YEATS2: variants seen among roughly 807,000 people sequenced by gnomAD.
The protein encoded by YEATS2 is YEATS domain-containing protein 2.
A neutral mutation model predicts 163.2 loss-of-function variants in YEATS2; 77 were observed. The ratio of observed to expected loss-of-function variants is 0.47; its 90% CI spans 0.39 to 0.57. The LOEUF (loss-of-function observed/expected upper bound fraction) is 0.57, where lower values mean the gene tolerates loss of function less well. Ranked by LOEUF, YEATS2 falls within the 20% of genes least tolerant of loss-of-function variation. The pLI is 0.00. For synonymous variants in YEATS2, 631 were observed against 645.1 expected (o/e 0.98, Z 0.33); for missense variants, 1,549 against 1,729.8 (o/e 0.90, Z 1.85).
chr3:183,799,872 A>G (rs1262878004), intron 23 of YEATS2, among the ~76,000 whole-genome samples: 1 of 133,964 alleles, frequency 7.5e-6, no homozygotes, highest in East Asian at 2.1e-4. Context: ...TCACTCTGTC[A>G]CCCAGGCTGG....
At chr3:183,708,800 G>T (rs1714884789) in intron 1 of YEATS2, among the ~76,000 whole-genome samples, 1 of 152,104 alleles carries the variant, frequency 6.6e-6, no homozygotes, top group African/African-American at 2.4e-5. Flanking sequence ...GGATTCCAAG[G>T]TTGCAGTGAG....
intron 13 of YEATS2, among the ~76,000 whole-genome samples, chr3:183,759,832 G>C (rs1378160647): frequency 6.6e-6 from 1 of 152,214 alleles, no homozygotes; most frequent in Non-Finnish European, 1.5e-5. Context: ...TTCCCCTTAT[G>C]ATGGGTTTAT....
intron 8 of YEATS2, 146 bp downstream of exon 8, chr3:183,736,975 A>G: frequency 1.7e-6 from 1 of 602,484 alleles, no homozygotes; most frequent in Non-Finnish European, 2.9e-6. Context: ...AACTATTAAT[A>G]GCCTACTGTT....
chr3:183,772,866 A>ACAGATGCTAATCCACAGTCCC (rs1159827943), intron 16 of YEATS2, among the ~76,000 whole-genome samples: 2 of 152,162 alleles, frequency 1.3e-5, no homozygotes, highest in Non-Finnish European at 2.9e-5. Context: ...AGCAAAATCC[A>ACAGATGCTAATCCACAGTCCC]CAGATGCTAA....
At chr3:183,780,606 G>A (rs1025220627) in intron 19 of YEATS2, among the ~76,000 whole-genome samples, 15 of 152,122 alleles carry the variant, frequency 9.9e-5, no homozygotes, top group South Asian at 2.1e-4. Context: ...TGTCCACAAT[G>A]AAGATAAAAT....
chr3:183,772,661 G>A lies in YEATS2; in HGVS notation c.2206+98G>A, dbSNP rs1416383657. The A allele has an allele frequency of 4.2e-5, 62 of 1,468,686 alleles. No individual in the cohort carries two copies. In the Admixed American group the frequency reaches 1.2e-3, roughly 29 times the overall value. The allele number at this position is 1,468,686 out of a possible 1,614,324, so 91.0% of individuals were successfully genotyped here. ...TTGCTATTTGATCTGGTCTAGGAAA[G>A]CCTAGTTAGGTTGATGCTGTAAGAA... On this transcript the variant is annotated intron_variant, in intron 16 of 30. Coordinates refer to ENST00000305135, the MANE Select transcript of YEATS2 (RefSeq NM_018023.5).
At chr3:183,715,101 T>C in intron 1 of YEATS2, 43 bp from the exon 2 acceptor site, 1 of 1,283,060 alleles carries the variant, frequency 7.8e-7, no homozygotes, top group Non-Finnish European at 1.1e-6. Flanking sequence ...CCCAACTATT[T>C]AACTGAATAA....
intron 21 of YEATS2, chr3:183,793,048 A>G: frequency 3.0e-6 from 3 of 1,012,032 alleles, no homozygotes; most frequent in South Asian, 1.3e-5. Flanking sequence ...CTTCTGTAAA[A>G]TATAATAAAA....
chr3:183,701,454 G>A lies in YEATS2; in HGVS notation c.-20+3461G>A, dbSNP rs149618376. ...CAGGCTGGAGTGCAGTGATGCAGCC[G>A]TAGGTCATTGCAGCCTTGAACTCCT... On this transcript the variant is annotated intron_variant, in intron 1 of 30. Coordinates refer to ENST00000305135, the MANE Select transcript of YEATS2 (RefSeq NM_018023.5). Among the ~76,000 whole-genome samples, 190 of 152,056 alleles carry A rather than the reference G, an allele frequency of 1.2e-3. 1 individual carries two copies. In the Middle Eastern group the frequency reaches 0.017, roughly 14 times the overall value.
intron 28 of YEATS2, chr3:183,807,701 G>A (rs1161328822): frequency 1.6e-5 from 4 of 252,808 alleles, no homozygotes; most frequent in African/African-American, 4.5e-5. Flanking sequence ...CAAACAGGAC[G>A]TTGGAGTCTG....
intron 1 of YEATS2, among the ~76,000 whole-genome samples, chr3:183,711,015 G>A (rs973141396): frequency 3.3e-5 from 5 of 152,006 alleles, no homozygotes; most frequent in African/African-American, 1.2e-4. Flanking sequence ...GTAATTAGGT[G>A]TTTTTAGATT....
At chr3:183,737,172 C>G (rs1416451738) in intron 8 of YEATS2, among the ~76,000 whole-genome samples, 2 of 152,052 alleles carry the variant, frequency 1.3e-5, no homozygotes, top group Non-Finnish European at 2.9e-5. Flanking sequence ...AGATCTTTAT[C>G]CTCGCCATCT....
At chr3:183,778,008 A>T (rs1394409854) in intron 19 of YEATS2, among the ~76,000 whole-genome samples, 1 of 150,206 alleles carries the variant, frequency 6.7e-6, no homozygotes. Context: ...GCTACTCGGG[A>T]GGCTAAGGCA....
At chr3:183,745,813 C>G (rs966228551) in intron 8 of YEATS2, among the ~76,000 whole-genome samples, 1 of 152,004 alleles carries the variant, frequency 6.6e-6, no homozygotes, top group Non-Finnish European at 1.5e-5. Flanking sequence ...GTCCTTTTGT[C>G]GTAGTGTTTC....
intron 9 of YEATS2, 76 bp from the exon 10 acceptor site, chr3:183,751,997 C>T (rs1720214754): frequency 6.6e-7 from 1 of 1,514,182 alleles, no homozygotes; most frequent in Non-Finnish European, 9.1e-7. Context: ...CCGGAGATTA[C>T]ATTCTTGGAC....
Position 183,804,011 on chromosome 3 carries a change from A to G in YEATS2, c.3607A>G (p.Lys1203Glu). 1 of 1,614,136 alleles carries G rather than the reference A, an allele frequency of 6.2e-7. No homozygotes were observed. Among genetic ancestry groups the G allele is most frequent in the African/African-American group, 1.3e-5 (1 of 75,032 alleles). Residue 1203 changes from lysine to glutamate, a missense_variant, in exon 27 of 31, where the codon AAA (lysine) becomes GAA (glutamate). Coordinates refer to ENST00000305135, the MANE Select transcript of YEATS2 (RefSeq NM_018023.5). The stretch of plus-strand genomic sequence containing the variant: ...GTGGCAAAGAGCAATGACAATGCGA[A>G]AAGTCTTACAAGAAATCCTGGAGAA... ...AEWQRAMTMR[K>E]VLQEILEKNP...
chr3:183,730,255 G>C (rs544466403), intron 7 of YEATS2, among the ~76,000 whole-genome samples: 1 of 150,644 alleles, frequency 6.6e-6, no homozygotes, highest in African/African-American at 2.4e-5. Context: ...TGTAGAGACG[G>C]GGTTTTGCCA....
intron 19 of YEATS2, among the ~76,000 whole-genome samples, chr3:183,781,289 A>G (rs905356055): frequency 6.6e-6 from 1 of 152,118 alleles, no homozygotes. Context: ...GCACACTGGC[A>G]TTAAGTCCTG....
intron 7 of YEATS2, among the ~76,000 whole-genome samples, chr3:183,731,558 G>T (rs1233503665): frequency 1.3e-5 from 2 of 152,184 alleles, no homozygotes; most frequent in Admixed American, 1.3e-4. Context: ...TATTCCTGCA[G>T]TAATTTATGA....
Sources: gnomAD v4.1 joint callset for allele counts (sites outside exome capture counted in the v4.1 genomes callset) on GRCh38, gnomAD v4.1.1 for gene constraint, MANE v1.5 for transcripts, NCBI Gene and HGNC (gene_info 2026-07-23, HGNC 2026-07-21) for gene names.